The following POLR3B variants were observed in gnomAD, a reference collection of about 807,000 sequenced individuals.
POLR3B encodes RNA polymerase III subunit B.
POLR3B carries 96 observed loss-of-function variants against 147.4 expected under a neutral mutation model. The observed-to-expected ratio is 0.65, with a 90% CI of 0.55 to 0.77. POLR3B has a LOEUF of 0.77. Ranked by LOEUF, POLR3B falls within the 30% of genes least tolerant of loss-of-function variation. The pLI is 0.00. For missense variants in POLR3B, 1,036 were observed against 1,413.5 expected, an observed-to-expected ratio of 0.73 and a Z score of 4.28; for synonymous variants, 461 against 485.9, an observed-to-expected ratio of 0.95 and a Z score of 0.67.
intron 19 of POLR3B, among the ~76,000 whole-genome samples, chr12:106,454,252 A>G (rs1373513980): frequency 6.6e-6 from 1 of 152,206 alleles, no homozygotes; most frequent in East Asian, 1.9e-4. Context: ...TGTAAATCCA[A>G]AAAGTCTAAA....
At chr12:106,374,633 G>T (rs959237959) in intron 6 of POLR3B, among the ~76,000 whole-genome samples, 1 of 151,888 alleles carries the variant, frequency 6.6e-6, no homozygotes, top group African/African-American at 2.4e-5. Flanking sequence ...TCCTGCCCCA[G>T]CCTCCTGAGT....
chr12:106,494,178 T>C (rs2038443220), intron 23 of POLR3B, among the ~76,000 whole-genome samples: 1 of 152,214 alleles, frequency 6.6e-6, no homozygotes, highest in South Asian at 2.1e-4. Flanking sequence ...CATAATAAAG[T>C]TGAATTTGCT....
Position 106,432,478 on chromosome 12 carries a change from A to G in POLR3B, c.1625A>G (p.Asn542Ser), listed in dbSNP as rs748882857. ...CCAAATGTGTTTCTTGTCTTTCTTA[A>G]TGGTGGGTATATTATAGAGACATGT... is the stretch of plus-strand genomic sequence containing the variant. ...SYPNVFLVFL[N>S]GNILGVIRDH... Residue 542 changes from asparagine to serine, a missense_variant and splice_region_variant, in exon 15 of 28, where the codon AAT (asparagine) becomes AGT (serine). Around this residue, in one of 12 missense-constraint regions of POLR3B, gnomAD observed 177 missense variants for 232.7 expected, o/e 0.76. Coordinates refer to ENST00000228347, the MANE Select transcript of POLR3B (RefSeq NM_018082.6). 8.1e-6 allele frequency: 13 copies of G among 1,610,756 alleles called. No homozygotes were observed. The highest frequency in any genetic ancestry group is 2.2e-5 in the South Asian group (2 of 91,000).
chr12:106,432,593 T>C (rs534975600), intron 15 of POLR3B, 113 bp downstream of exon 15: 1 of 885,588 alleles, frequency 1.1e-6, no homozygotes, highest in East Asian at 2.4e-5. Flanking sequence ...GGGCCCAGGT[T>C]GACCTTCACT....
Position 106,442,630 on chromosome 12 carries a change from G to GA in POLR3B, c.1956-1824dup, listed in dbSNP as rs375782404. ...GACATAATTTAATACATGTGTTTTG[G>GA]AAAAAAAAATAGGTTAATAACTGGA... On this transcript the variant is annotated intron_variant, in intron 18 of 27. Transcript: ENST00000228347. Among the ~76,000 whole-genome samples, 772 of 150,226 alleles carry GA rather than the reference G, an allele frequency of 5.1e-3. 3 individuals carry two copies. The highest frequency in any genetic ancestry group is 0.018 in the African/African-American group (733 of 41,004).
rs560425343 is a variant in POLR3B at position 106,509,609 on chromosome 12, A to G, written c.*60A>G. On this transcript the variant is annotated 3_prime_UTR_variant, in exon 28 of 28. Coordinates refer to ENST00000228347, the MANE Select transcript of POLR3B (RefSeq NM_018082.6). ...ATACATCCAATGCAACGGAAAGCAG[A>G]AGGGATTTAGGACTACGTCTCCTCC... The G allele has an allele frequency of 2.2e-4, 326 of 1,495,892 alleles. 1 individual carries two copies. The highest frequency in any genetic ancestry group is 1.4e-3 in the Middle Eastern group (8 of 5,816). 92.7% of individuals were successfully genotyped at this position (1,495,892 alleles called of 1,614,324 possible).
intron 20 of POLR3B, among the ~76,000 whole-genome samples, chr12:106,456,035 T>C (rs976044184): frequency 1.3e-5 from 2 of 152,228 alleles, no homozygotes; most frequent in African/African-American, 4.8e-5. Context: ...ATTTATTTCA[T>C]CAGTAATAAG....
At chr12:106,390,335 C>G (rs2036898227) in intron 9 of POLR3B, among the ~76,000 whole-genome samples, 1 of 149,994 alleles carries the variant, frequency 6.7e-6, no homozygotes. Context: ...GAAAATTAAC[C>G]TGTATTATTT....
rs775696277 is a variant in POLR3B at position 106,366,693 on chromosome 12, A to G, written c.198A>G (p.Thr66=). The change falls in exon 4 of 28, where the codon ACA becomes ACG. Residue 66 remains threonine (T), a synonymous_variant. Transcript: ENST00000228347. ...KKIMKANEKV[T]SDADPMWYLK... is the part of the protein sequence containing the mutation. ...TAATGAAAGCCAATGAAAAGGTTAC[A>G]AGTGACGCTGACCCTATGTGGTACT... 1 of 1,613,778 alleles carries G rather than the reference A, an allele frequency of 6.2e-7. No individual in the cohort carries two copies. The highest frequency in any genetic ancestry group is 8.5e-7 in the Non-Finnish European group (1 of 1,179,684).
chr12:106,395,637 A>G (rs1431571575), intron 10 of POLR3B, among the ~76,000 whole-genome samples: 1 of 152,090 alleles, frequency 6.6e-6, no homozygotes, highest in African/African-American at 2.4e-5. Flanking sequence ...TATATAATAG[A>G]ACTTTGGAAG....
At chr12:106,442,385 A>AT (rs1465617277) in intron 18 of POLR3B, among the ~76,000 whole-genome samples, 1 of 152,210 alleles carries the variant, frequency 6.6e-6, no homozygotes, top group East Asian at 1.9e-4. Context: ...TTAAAAGAAA[A>AT]TCTGTTTTCT....
intron 18 of POLR3B, among the ~76,000 whole-genome samples, chr12:106,440,461 G>T (rs1004954689): frequency 6.6e-6 from 1 of 152,146 alleles, no homozygotes; most frequent in South Asian, 2.1e-4. Context: ...TCCAGTTCCT[G>T]CACAATCTGC....
Position 106,459,395 on chromosome 12 carries a change from A to G in POLR3B, c.2570+27A>G, listed in dbSNP as rs959204546. ...TATGTATTGGTTGTGCCCTGGTAAT[A>G]TGTAGAAAGGTTAGAAAAAGAGAAG... On this transcript the variant is annotated intron_variant, in intron 22 of 27. Transcript: ENST00000228347. 2.6e-6 allele frequency: 3 copies of G among 1,166,828 alleles called. No homozygotes were observed. In the African/African-American group the frequency reaches 4.5e-5, roughly 18 times the overall value. The allele number at this position is 1,166,828 out of a possible 1,614,324, so 72.3% of individuals were successfully genotyped here. A position where few individuals can be genotyped will look rare whatever the true frequency, so the allele number is the denominator to read the frequency against.
At chr12:106,444,113 A>G (rs1484407466) in intron 18 of POLR3B, among the ~76,000 whole-genome samples, 1 of 152,170 alleles carries the variant, frequency 6.6e-6, no homozygotes, top group African/African-American at 2.4e-5. Context: ...GAGCCACTGT[A>G]CTTGGCTAGT....
chr12:106,367,071 C>T (rs1350725678), intron 4 of POLR3B, among the ~76,000 whole-genome samples: 1 of 151,736 alleles, frequency 6.6e-6, no homozygotes, highest in African/African-American at 2.4e-5. Flanking sequence ...CCACTGCACT[C>T]TATCTTTTAC....
chr12:106,452,021 C>T (rs574781100), intron 19 of POLR3B, among the ~76,000 whole-genome samples: 8 of 152,180 alleles, frequency 5.3e-5, no homozygotes, highest in Non-Finnish European at 8.8e-5. Flanking sequence ...ATATATGTAA[C>T]GCCCTTTTTA....
chr12:106,479,401 G>A (rs1185244945), intron 23 of POLR3B, among the ~76,000 whole-genome samples: 3 of 143,508 alleles, frequency 2.1e-5, no homozygotes, highest in South Asian at 4.4e-4. Flanking sequence ...TTTTTTTTGA[G>A]ACAGAGTCTT....
intron 12 of POLR3B, among the ~76,000 whole-genome samples, chr12:106,413,687 C>T (rs568716402): frequency 6.6e-6 from 1 of 151,894 alleles, no homozygotes; most frequent in South Asian, 2.1e-4. Flanking sequence ...CGTGTTCCTG[C>T]TACCCAAGGA....
At chr12:106,442,161 A>AT (rs779536038) in intron 18 of POLR3B, among the ~76,000 whole-genome samples, 5,415 of 147,312 alleles carry the variant, frequency 0.037, 126 homozygotes, top group Middle Eastern at 0.065. Flanking sequence ...AAAGAGAATA[A>AT]TTTTTTTTTT....
Sources: allele counts gnomAD v4.1 joint callset (sites outside exome capture counted in the v4.1 genomes callset), GRCh38; gene constraint gnomAD v4.1.1; regional missense constraint gnomAD v4.1.1; transcripts MANE v1.5; gene names NCBI Gene and HGNC (gene_info 2026-07-23, HGNC 2026-07-21).